DPYD: variants seen among roughly 807,000 people sequenced by gnomAD.
The protein encoded by DPYD is dihydropyrimidine dehydrogenase [NADP(+)].
In DPYD, 109 loss-of-function variants were observed where a neutral mutation model predicts 116.2. The observed-to-expected ratio is 0.94, with a 90% CI of 0.80 to 1.10. The LOEUF is 1.10. Among genes scored for constraint, DPYD ranks in the 50% least tolerant of loss-of-function variants. The pLI is 0.00. For missense variants in DPYD, 1,302 were observed against 1,254.5 expected (o/e 1.04, Z -0.57); for synonymous variants, 440 against 432.0 (o/e 1.02, Z -0.23).
At chr1:97,102,668 C>A (rs896738291) in intron 20 of DPYD, among the ~76,000 whole-genome samples, 1 of 151,534 alleles carries the variant, frequency 6.6e-6, no homozygotes, top group Admixed American at 6.6e-5. Context: ...TCAACAAATA[C>A]AGTATTGAAT....
At chr1:97,405,477 G>C (rs965029912) in intron 14 of DPYD, among the ~76,000 whole-genome samples, 11 of 151,722 alleles carry the variant, frequency 7.3e-5, no homozygotes, top group African/African-American at 2.7e-4. Context: ...ACATTGGTGA[G>C]TTTTTTTCTC....
chr1:97,499,721 A>G (rs1679470184), intron 13 of DPYD, among the ~76,000 whole-genome samples: 1 of 151,920 alleles, frequency 6.6e-6, no homozygotes, highest in Non-Finnish European at 1.5e-5. Flanking sequence ...TGATACTATA[A>G]TTTAATTTAG....
intron 13 of DPYD, among the ~76,000 whole-genome samples, chr1:97,485,355 C>T (rs534576472): frequency 4.6e-5 from 7 of 152,074 alleles, no homozygotes; most frequent in Admixed American, 6.6e-5. Context: ...GAGTGCACCA[C>T]GATGCCTGGT....
At chr1:97,237,493 T>C (rs1017016665) in intron 18 of DPYD, among the ~76,000 whole-genome samples, 3 of 152,118 alleles carry the variant, frequency 2.0e-5, no homozygotes, top group Non-Finnish European at 4.4e-5. Flanking sequence ...GGATACAAAG[T>C]ATTAAGTTGG....
At chr1:97,336,451 C>G (rs1320246379) in intron 16 of DPYD, among the ~76,000 whole-genome samples, 1 of 152,096 alleles carries the variant, frequency 6.6e-6, no homozygotes, top group Non-Finnish European at 1.5e-5. Flanking sequence ...ATATTTAAAT[C>G]ATATCAAGGA....
At chr1:97,692,109 T>G (rs1571199386) in intron 6 of DPYD, among the ~76,000 whole-genome samples, 1 of 152,130 alleles carries the variant, frequency 6.6e-6, no homozygotes, top group East Asian at 1.9e-4. Context: ...TTGGTTGATT[T>G]ATTTAATAAT....
intron 20 of DPYD, among the ~76,000 whole-genome samples, chr1:97,165,133 C>A (rs1460715174): frequency 6.6e-6 from 1 of 152,002 alleles, no homozygotes; most frequent in Admixed American, 6.6e-5. Flanking sequence ...CAATCCTAAG[C>A]AAAAAGAACA....
At chr1:97,118,997 C>T (rs966447692) in intron 20 of DPYD, among the ~76,000 whole-genome samples, 1 of 151,638 alleles carries the variant, frequency 6.6e-6, no homozygotes, top group African/African-American at 2.4e-5. Flanking sequence ...GGAGAAAATC[C>T]CTCATTTTTT....
intron 3 of DPYD, among the ~76,000 whole-genome samples, chr1:97,767,651 A>T (rs559527469): frequency 6.6e-6 from 1 of 152,114 alleles, no homozygotes; most frequent in Non-Finnish European, 1.5e-5. Flanking sequence ...GAGTTCAGTC[A>T]AGATAAGCAG....
intron 2 of DPYD, among the ~76,000 whole-genome samples, chr1:97,866,681 G>A (rs533977671): frequency 2.6e-4 from 40 of 152,020 alleles, no homozygotes; most frequent in African/African-American, 9.1e-4. Context: ...ATGTAGTCAG[G>A]AGTAATAAAT....
intron 14 of DPYD, among the ~76,000 whole-genome samples, chr1:97,430,001 T>C (rs1675084802): frequency 6.6e-6 from 1 of 152,122 alleles, no homozygotes; most frequent in Non-Finnish European, 1.5e-5. Flanking sequence ...CTTTAACCCT[T>C]AGTTTTTCCC....
Position 97,225,379 on chromosome 1 carries a change from C to T in DPYD, c.2442+9473G>A, listed in dbSNP as rs142647330. Among the ~76,000 whole-genome samples the T allele has an allele frequency of 8.0e-4, 121 of 152,014 alleles. 1 individual carries two copies. Among genetic ancestry groups the T allele is most frequent in the African/African-American group, 2.7e-3 (112 of 41,546 alleles). On this transcript the variant is annotated intron_variant, in intron 19 of 22. Coordinates refer to ENST00000370192, the MANE Select transcript of DPYD (RefSeq NM_000110.4). Reference sequence around the variant, plus strand: ...TTAAGCATCTATTCAAATATCTGTGCCATTTATGTCTCCTTTGGTCCATTA... The same window carrying T: ...TTAAGCATCTATTCAAATATCTGTGTCATTTATGTCTCCTTTGGTCCATTA...
intron 1 of DPYD, among the ~76,000 whole-genome samples, chr1:97,891,870 C>T (rs1273195674): frequency 6.6e-6 from 1 of 151,788 alleles, no homozygotes; most frequent in Non-Finnish European, 1.5e-5. Context: ...CCTTTGCATT[C>T]GAACTTATAA....
intron 3 of DPYD, among the ~76,000 whole-genome samples, chr1:97,815,322 T>C (rs981601089): frequency 2.0e-5 from 3 of 152,146 alleles, no homozygotes; most frequent in African/African-American, 7.2e-5. Context: ...GATAACTACC[T>C]AGGAACAGAG....
In DPYD at chr1:97,787,098, A is replaced by T. The variant is rs183557511; in HGVS notation, c.233+41016T>A. Among the ~76,000 whole-genome samples the T allele has an allele frequency of 1.3e-4, 20 of 152,340 alleles. No individual in the cohort carries two copies. In the East Asian group the frequency reaches 3.5e-3, roughly 26 times the overall value. On this transcript the variant is annotated intron_variant, in intron 3 of 22. Coordinates refer to ENST00000370192, the MANE Select transcript of DPYD (RefSeq NM_000110.4). ...ACAATAGTAATGAAAAAAATTGAAC[A>T]TTTGGTCAATTACAGAAAATACTAC... is the stretch of plus-strand genomic sequence containing the variant.
intron 3 of DPYD, among the ~76,000 whole-genome samples, chr1:97,808,379 ATAT>A (rs1487256591): frequency 6.6e-6 from 1 of 152,048 alleles, no homozygotes; most frequent in East Asian, 1.9e-4. Context: ...AATTTAAATG[ATAT>A]TATCTTTTAA....
intron 3 of DPYD, chr1:97,774,979 G>A: frequency 3.1e-6 from 1 of 325,748 alleles, no homozygotes; most frequent in Non-Finnish European, 6.5e-6. Flanking sequence ...AACTGGAGTA[G>A]GGACAAAAAA....
chr1:97,755,874 A>G (rs1476444029), intron 3 of DPYD, among the ~76,000 whole-genome samples: 5 of 152,204 alleles, frequency 3.3e-5, no homozygotes, highest in African/African-American at 9.7e-5. Flanking sequence ...TGAGTGCTCA[A>G]TAATGTAAAT....
At chr1:97,500,542 G>GT (rs1478338222) in intron 13 of DPYD, among the ~76,000 whole-genome samples, 1 of 151,782 alleles carries the variant, frequency 6.6e-6, no homozygotes, top group Non-Finnish European at 1.5e-5. Context: ...TGGGATTATC[G>GT]TTTTTTATTT....
Sources: gnomAD v4.1 joint callset for allele counts (sites outside exome capture counted in the v4.1 genomes callset) on GRCh38, gnomAD v4.1.1 for gene constraint, MANE v1.5 for transcripts, NCBI Gene and HGNC (gene_info 2026-07-23, HGNC 2026-07-21) for gene names.